DCAF5: variants seen among roughly 807,000 people sequenced by gnomAD.
DCAF5 encodes DDB1 and CUL4 associated factor 5, also known as DDB1- and CUL4-associated factor 5.
A neutral mutation model predicts 80.7 loss-of-function variants in DCAF5; 9 were observed. The ratio of observed to expected loss-of-function variants is 0.11; its 90% CI spans 0.07 to 0.19. The LOEUF (loss-of-function observed/expected upper bound fraction) is 0.19, where lower values mean the gene tolerates loss of function less well. Ranked by LOEUF, DCAF5 falls within the 10% of genes least tolerant of loss-of-function variation. The pLI, the probability that DCAF5 is intolerant of heterozygous loss-of-function variation, is 1.00. For synonymous variants in DCAF5, 433 were observed against 461.9 expected (o/e 0.94, Z 0.80); for missense variants, 842 against 1,205.7 (o/e 0.70, Z 4.47).
intron 1 of DCAF5, among the ~76,000 whole-genome samples, chr14:69,147,064 C>T (rs1209322002): frequency 6.6e-6 from 1 of 152,094 alleles, no homozygotes; most frequent in Non-Finnish European, 1.5e-5. Context: ...AATTTATCTA[C>T]AAAAAACTGA....
chr14:69,127,386 C>G (rs2140083966), intron 1 of DCAF5, among the ~76,000 whole-genome samples: 1 of 152,256 alleles, frequency 6.6e-6, no homozygotes, highest in South Asian at 2.1e-4. Flanking sequence ...AAAAGCCAAT[C>G]TGAAAAGGCT....
intron 5 of DCAF5, among the ~76,000 whole-genome samples, chr14:69,108,871 T>C (rs914076538): frequency 6.6e-6 from 1 of 152,168 alleles, no homozygotes; most frequent in Non-Finnish European, 1.5e-5. Context: ...CAGTTTTCTA[T>C]AATACCACCA....
intron 8 of DCAF5, among the ~76,000 whole-genome samples, chr14:69,060,829 G>C (rs1005010030): frequency 2.6e-5 from 4 of 152,042 alleles, no homozygotes; most frequent in Admixed American, 6.6e-5. Flanking sequence ...ACCACGCCTG[G>C]CCTCAATATT....
intron 1 of DCAF5, among the ~76,000 whole-genome samples, chr14:69,146,562 C>T (rs994325153): frequency 2.0e-5 from 3 of 151,956 alleles, no homozygotes; most frequent in South Asian, 4.2e-4. Context: ...TTAAGTATAG[C>T]AAACCAGAGG....
intron 1 of DCAF5, among the ~76,000 whole-genome samples, chr14:69,135,409 T>C (rs2041160941): frequency 6.6e-6 from 1 of 152,216 alleles, no homozygotes; most frequent in African/African-American, 2.4e-5. Context: ...ATCTAAATAC[T>C]CTGTATGACA....
intron 6 of DCAF5, among the ~76,000 whole-genome samples, chr14:69,081,075 A>C (rs2039082241): frequency 6.6e-6 from 1 of 152,128 alleles, no homozygotes; most frequent in Non-Finnish European, 1.5e-5. Flanking sequence ...AAAGAATATA[A>C]GAAAAAATAA....
At chr14:69,094,581 A>C (rs1446909660) in intron 5 of DCAF5, among the ~76,000 whole-genome samples, 2 of 152,180 alleles carry the variant, frequency 1.3e-5, no homozygotes, top group African/African-American at 2.4e-5. Context: ...ATGAAATGAC[A>C]CCTGAAATCC....
chr14:69,096,864 T>A (rs1372168599), intron 5 of DCAF5, among the ~76,000 whole-genome samples: 1 of 152,122 alleles, frequency 6.6e-6, no homozygotes, highest in East Asian at 1.9e-4. Context: ...TTACATAGTA[T>A]CAGCCCTGAC....
intron 5 of DCAF5, among the ~76,000 whole-genome samples, chr14:69,110,032 T>C (rs898026781): frequency 3.9e-5 from 6 of 152,178 alleles, no homozygotes; most frequent in African/African-American, 1.4e-4. Flanking sequence ...CTGACACTCA[T>C]TGTGGTTTTA....
intron 5 of DCAF5, among the ~76,000 whole-genome samples, chr14:69,101,091 G>C (rs925398370): frequency 6.6e-6 from 1 of 152,132 alleles, no homozygotes; most frequent in African/African-American, 2.4e-5. Context: ...GGAGACCAAG[G>C]TCCTGAGTAA....
At chr14:69,065,514 G>T (rs983895264) in intron 7 of DCAF5, among the ~76,000 whole-genome samples, 7 of 152,174 alleles carry the variant, frequency 4.6e-5, no homozygotes, top group African/African-American at 1.7e-4. Flanking sequence ...GAGACTGATG[G>T]TGAAAATAGG....
chr14:69,098,623 C>T (rs1282518346), intron 5 of DCAF5, among the ~76,000 whole-genome samples: 1 of 151,728 alleles, frequency 6.6e-6, no homozygotes, highest in Non-Finnish European at 1.5e-5. Flanking sequence ...GCGGCTCACG[C>T]CTGTAATCCC....
Position 69,055,706 on chromosome 14 carries a change from G to T in DCAF5, c.1075-95C>A. 7.9e-7 allele frequency: 1 copy of T among 1,258,022 alleles called. No homozygotes were observed. Among genetic ancestry groups the T allele is most frequent in the Non-Finnish European group, 1.1e-6 (1 of 901,730 alleles). The allele number at this position is 1,258,022 out of a possible 1,614,324, so 77.9% of individuals were successfully genotyped here. ...AGAACACCAAGGCAGAACTTCCCCA[G>T]ACTCTCCCTGTAATTTAACTAGGAC... is the stretch of plus-strand genomic sequence containing the variant. On this transcript the variant is annotated intron_variant, in intron 8 of 8. Coordinates refer to ENST00000341516, the MANE Select transcript of DCAF5 (RefSeq NM_003861.3). This position sits in a 1 kb window ranked among gnomAD's most constrained non-coding sequence, Gnocchi z 5.6.
Position 69,051,737 on chromosome 14 carries a change from C to A in DCAF5, c.*2120G>T, listed in dbSNP as rs2037768978. On this transcript the variant is annotated 3_prime_UTR_variant, in exon 9 of 9. Transcript: ENST00000341516. ...TTCAGGAAGATATGTATCCGATTGTCCTTTGAGAAGTCAGAAGAGGCTAAG... is the reference window on the plus strand; with the variant it reads ...TTCAGGAAGATATGTATCCGATTGTACTTTGAGAAGTCAGAAGAGGCTAAG... The A allele has an allele frequency of 6.6e-6, 1 of 152,258 alleles. No homozygotes were observed. The allele number at this position is 152,258 out of a possible 1,614,324, so 9.4% of individuals were successfully genotyped here. A position where few individuals can be genotyped will look rare whatever the true frequency, so the allele number is the denominator to read the frequency against.
At chr14:69,115,327 G>T (rs1412163433) in intron 5 of DCAF5, among the ~76,000 whole-genome samples, 1 of 152,114 alleles carries the variant, frequency 6.6e-6, no homozygotes, top group African/African-American at 2.4e-5. Flanking sequence ...ACACCTCTGG[G>T]CTACACCGAT....
chr14:69,102,685 T>C (rs1158224641), intron 5 of DCAF5, among the ~76,000 whole-genome samples: 1 of 151,636 alleles, frequency 6.6e-6, no homozygotes, highest in Non-Finnish European at 1.5e-5. Context: ...TCACATCTGT[T>C]CTACTAACAT....
At chr14:69,083,921 C>T in intron 6 of DCAF5, 1 of 779,416 alleles carries the variant, frequency 1.3e-6, no homozygotes. Flanking sequence ...TCATTTGCTT[C>T]TTATGTAATC....
rs138578301 is a variant in DCAF5 at position 69,122,246 on chromosome 14, T to C, written c.329A>G (p.Asn110Ser). Residue 110 changes from asparagine to serine, a missense_variant, in exon 2 of 9, where the codon AAC becomes AGC. This residue lies in a region of DCAF5 where 142 missense variants were observed against 311.9 expected (regional missense o/e 0.46). Transcript: ENST00000341516. ...HHSNIFCLAF[N>S]SGNTKVFSGG... Reference sequence around the variant, plus strand: ...AGAGAACACTTTAGTGTTCCCACTGTTGAAAGCCAGGCAAAAAATGTTGGA... The same window carrying C: ...AGAGAACACTTTAGTGTTCCCACTGCTGAAAGCCAGGCAAAAAATGTTGGA... 2.0e-5 allele frequency: 32 copies of C among 1,613,862 alleles called. No homozygotes were observed. Among genetic ancestry groups the C allele is most frequent in the Non-Finnish European group, 2.6e-5 (31 of 1,179,906 alleles).
chr14:69,096,164 T>C (rs1299939214), intron 5 of DCAF5, among the ~76,000 whole-genome samples: 1 of 152,206 alleles, frequency 6.6e-6, no homozygotes, highest in East Asian at 1.9e-4. Flanking sequence ...CATTCAAGTA[T>C]GTTTAGAGTC....
Sources: allele counts gnomAD v4.1 joint callset (sites outside exome capture counted in the v4.1 genomes callset), GRCh38; gene constraint gnomAD v4.1.1; regional missense constraint gnomAD v4.1.1; non-coding constraint Gnocchi (gnomAD v3.1); transcripts MANE v1.5; gene names NCBI Gene and HGNC (gene_info 2026-07-23, HGNC 2026-07-21).